IL4R: variants seen among roughly 807,000 people sequenced by gnomAD.
IL4R encodes interleukin 4 receptor.
IL4R carries 17 observed loss-of-function variants against 41.5 expected under a neutral mutation model. The observed-to-expected ratio is 0.41, with a 90% CI of 0.28 to 0.61. IL4R has a LOEUF of 0.61. Ranked by LOEUF, IL4R falls within the 20% of genes least tolerant of loss-of-function variation. The pLI is 0.31. For missense variants in IL4R, 974 were observed against 1,043.1 expected (o/e 0.93, Z 0.91); for synonymous variants, 402 against 422.9 (o/e 0.95, Z 0.61).
intron 6 of IL4R, among the ~76,000 whole-genome samples, chr16:27,350,303 A>G: frequency 6.6e-6 from 1 of 152,028 alleles, no homozygotes; most frequent in East Asian, 1.9e-4. Flanking sequence ...TTGTTTGCTC[A>G]TGTTTAGAAA....
At chr16:27,358,790 C>A in intron 8 of IL4R, 126 bp from the exon 9 acceptor site, 1 of 692,238 alleles carries the variant, frequency 1.4e-6, no homozygotes, top group Non-Finnish European at 2.6e-6. Flanking sequence ...AGTGGTTTGA[C>A]CTCCAGAAAC....
Position 27,363,582 on chromosome 16 carries a change from T to C in IL4R, c.2230T>C (p.Cys744Arg). ...GACCCCTGTCATGGCCAGTCCTTGCTGTGGCTGCTGCTGTGGAGACAGGTC... is the reference window on the plus strand; with the variant it reads ...GACCCCTGTCATGGCCAGTCCTTGCCGTGGCTGCTGCTGTGGAGACAGGTC... ...GQTPVMASPC[C>R]GCCCGDRSSP... The change falls in exon 11 of 11, where the codon TGT becomes CGT. Residue 744 changes from cysteine (C) to arginine (R), a missense_variant. Transcript: ENST00000395762. The C allele has an allele frequency of 6.2e-7, 1 of 1,614,146 alleles. No individual in the cohort carries two copies. Among genetic ancestry groups the C allele is most frequent in the South Asian group, 1.1e-5 (1 of 91,088 alleles).
intron 3 of IL4R, among the ~76,000 whole-genome samples, chr16:27,340,574 T>G (rs910055272): frequency 2.6e-5 from 4 of 151,720 alleles, no homozygotes; most frequent in African/African-American, 9.7e-5. Flanking sequence ...AATAAAATAT[T>G]AGCCAGGTGT....
intron 1 of IL4R, among the ~76,000 whole-genome samples, chr16:27,322,756 AC>A (rs1237378199): frequency 3.9e-5 from 6 of 152,110 alleles, no homozygotes; most frequent in African/African-American, 1.4e-4. Flanking sequence ...TCTAATACTT[AC>A]TCAAGACATC....
chr16:27,339,593 C>T (rs990567270), intron 2 of IL4R, among the ~76,000 whole-genome samples: 3 of 152,066 alleles, frequency 2.0e-5, no homozygotes, highest in Non-Finnish European at 2.9e-5. Context: ...AGGAAATAAT[C>T]AGAGAAACAT....
At chr16:27,343,683 G>T (rs3024552) in intron 4 of IL4R, among the ~76,000 whole-genome samples, 1 of 151,896 alleles carries the variant, frequency 6.6e-6, no homozygotes, top group African/African-American at 2.4e-5. Context: ...CCGCCTCAGC[G>T]TCCCAAAGTG....
At chr16:27,361,206 A>T (rs908532085) in intron 10 of IL4R, among the ~76,000 whole-genome samples, 13 of 152,118 alleles carry the variant, frequency 8.5e-5, no homozygotes, top group Admixed American at 2.0e-4. Flanking sequence ...TGGTGCGATC[A>T]TAGCTCACTG....
At chr16:27,361,002 AGTTT>A in intron 10 of IL4R, 187 bp downstream of exon 10, 3 of 1,471,174 alleles carry the variant, frequency 2.0e-6, no homozygotes, top group Non-Finnish European at 2.7e-6. Flanking sequence ...AAGCCCCCTG[AGTTT>A]CACTGGTGTG....
intron 5 of IL4R, 67 bp from the exon 6 acceptor site, chr16:27,346,400 C>T (rs55993195): frequency 1.4e-4 from 211 of 1,558,476 alleles, no homozygotes; most frequent in South Asian, 7.2e-4. Flanking sequence ...GTTTGTAGGC[C>T]GGGGCTGGGC....
chr16:27,344,967 T>G lies in IL4R; in HGVS notation c.308T>G (p.Leu103Arg). ...AGTGCGGATAACTATACACTGGACC[T>G]GTGGGCTGGGCAGCAGCTGCTGTGG... ...VVSADNYTLD[L>R]WAGQQLLWKG... is the part of the protein sequence containing the mutation. The change falls in exon 5 of 11, where the codon CTG becomes CGG. Residue 103 changes from leucine to arginine, a missense_variant. By Grantham distance (102) the Leu-to-Arg change is moderately radical (BLOSUM62 -2). Coordinates refer to ENST00000395762, the MANE Select transcript of IL4R (RefSeq NM_000418.4). 6.2e-7 allele frequency: 1 copy of G among 1,613,986 alleles called. No individual in the cohort carries two copies.
In IL4R at chr16:27,362,536, T is replaced by C. The variant is rs751345478; in HGVS notation, c.1184T>C (p.Phe395Ser). The C allele has an allele frequency of 2.4e-5, 39 of 1,614,152 alleles. 1 individual carries two copies. Among genetic ancestry groups the C allele is most frequent in the Middle Eastern group, 1.7e-4 (1 of 6,060 alleles). ...TCGCCTGAGAGCAGCAGGGATGACTTCCAGGAGGGAAGGGAGGGCATTGTG... is the reference window on the plus strand; with the variant it reads ...TCGCCTGAGAGCAGCAGGGATGACTCCCAGGAGGGAAGGGAGGGCATTGTG... The part of the protein sequence containing the change: ...CASPESSRDD[F>S]QEGREGIVAR... The change falls in exon 11 of 11, where the codon TTC becomes TCC. Residue 395 changes from phenylalanine to serine, a missense_variant. By Grantham distance (155) the Phe-to-Ser change is radical. This residue lies in a region of IL4R where 682 missense variants were observed against 704.3 expected (regional missense o/e 0.97). Coordinates refer to ENST00000395762, the MANE Select transcript of IL4R (RefSeq NM_000418.4).
At chr16:27,362,180 C>G in intron 10 of IL4R, 72 bp from the exon 11 acceptor site, 1 of 1,476,368 alleles carries the variant, frequency 6.8e-7, no homozygotes, top group South Asian at 1.3e-5. Flanking sequence ...TGATTTCAGG[C>G]TGGGCTTTGA....
chr16:27,321,961 A>C (rs188721132), intron 1 of IL4R, among the ~76,000 whole-genome samples: 169 of 152,200 alleles, frequency 1.1e-3, no homozygotes, highest in African/African-American at 3.9e-3. Flanking sequence ...ATTTGCTGAG[A>C]TCTTTATAGG....
At chr16:27,348,653 G>A (rs1889933688) in intron 6 of IL4R, among the ~76,000 whole-genome samples, 1 of 152,164 alleles carries the variant, frequency 6.6e-6, no homozygotes, top group Admixed American at 6.5e-5. Flanking sequence ...TAAGGCTGCT[G>A]CTCAGTGGCC....
intron 2 of IL4R, among the ~76,000 whole-genome samples, chr16:27,331,845 G>T (rs1338451285): frequency 6.6e-6 from 1 of 151,996 alleles, no homozygotes; most frequent in Non-Finnish European, 1.5e-5. Context: ...TCTCCTTGCT[G>T]CTCTCAGTTT....
At chr16:27,346,337 C>T in intron 5 of IL4R, 130 bp from the exon 6 acceptor site, 1 of 716,028 alleles carries the variant, frequency 1.4e-6, no homozygotes, top group East Asian at 2.6e-5. Flanking sequence ...GTGTGGTGCT[C>T]CAGAAGTATG....
chr16:27,350,940 T>C (rs1473841265), intron 6 of IL4R, among the ~76,000 whole-genome samples: 1 of 152,210 alleles, frequency 6.6e-6, no homozygotes. Flanking sequence ...CAGTCATCGC[T>C]GTCTTAGTTT....
Position 27,357,907 on chromosome 16 carries a change from T to C in IL4R, c.771-1009T>C, listed in dbSNP as rs532290664. On this transcript the variant is annotated intron_variant, in intron 8 of 10. Coordinates refer to ENST00000395762, the MANE Select transcript of IL4R (RefSeq NM_000418.4). ...CATTTCTTTCGTTTTTTTTTTTTTT[T>C]CTTTGAGATGGAGTCTCATGTTGTC... 3.5e-3 allele frequency among the ~76,000 whole-genome samples: 525 copies of C among 151,812 alleles called. 3 individuals are homozygous for C. Among genetic ancestry groups the C allele is most frequent in the Middle Eastern group, 0.017 (5 of 292 alleles).
At chr16:27,319,955 C>T (rs1200338392) in intron 1 of IL4R, among the ~76,000 whole-genome samples, 1 of 152,150 alleles carries the variant, frequency 6.6e-6, no homozygotes, top group Non-Finnish European at 1.5e-5. Context: ...CTGCAATCTC[C>T]ACCTCCCCAT....
Sources: gnomAD v4.1 joint callset for allele counts (sites outside exome capture counted in the v4.1 genomes callset) on GRCh38, gnomAD v4.1.1 for gene constraint, gnomAD v4.1.1 regional missense constraint, MANE v1.5 for transcripts, NCBI Gene and HGNC (gene_info 2026-07-23, HGNC 2026-07-21) for gene names.